The following PARP4 variants were observed in gnomAD, a reference collection of about 807,000 sequenced individuals.
The protein encoded by PARP4 is poly(ADP-ribose) polymerase family member 4, also known as protein mono-ADP-ribosyltransferase PARP4.
In PARP4, 120 loss-of-function variants were observed where a neutral mutation model predicts 187.7. The observed-to-expected ratio is 0.64, with a 90% CI of 0.55 to 0.74. PARP4 has a LOEUF of 0.74. Among genes scored for constraint, PARP4 ranks in the 30% least tolerant of loss-of-function variants. PARP4 has a pLI of 0.00. For missense variants in PARP4, 1,836 were observed against 2,070.5 expected (o/e 0.89, Z 2.20); for synonymous variants, 654 against 740.9 (o/e 0.88, Z 1.90).
At chr13:24,441,457 G>C (rs1423686736) in intron 30 of PARP4, among the ~76,000 whole-genome samples, 4 of 152,224 alleles carry the variant, frequency 2.6e-5, no homozygotes, top group African/African-American at 9.6e-5. Context: ...CTGGTTATAA[G>C]GGCCACGGTA....
chr13:24,426,705 C>T, intron 32 of PARP4, 107 bp from the exon 33 acceptor site: 1 of 966,192 alleles, frequency 1.0e-6, no homozygotes. Flanking sequence ...CTGGCTAACA[C>T]AATGAAACTC....
chr13:24,467,018 A>C (rs1872511850), intron 17 of PARP4, among the ~76,000 whole-genome samples: 1 of 152,226 alleles, frequency 6.6e-6, no homozygotes, highest in Non-Finnish European at 1.5e-5. Flanking sequence ...AGAAACTCAC[A>C]GATTGGATAA....
At chr13:24,458,443 G>A (rs1032578108) in intron 20 of PARP4, among the ~76,000 whole-genome samples, 4 of 151,354 alleles carry the variant, frequency 2.6e-5, no homozygotes, top group African/African-American at 9.7e-5. Context: ...CAGGTGTGCT[G>A]GCACAGGCCT....
At chr13:24,426,189 C>G (rs975688730) in intron 33 of PARP4, among the ~76,000 whole-genome samples, 2 of 152,140 alleles carry the variant, frequency 1.3e-5, no homozygotes, top group Admixed American at 6.5e-5. Flanking sequence ...CAGCAGACTG[C>G]AGTGAAGAGT....
chr13:24,448,966 T>C (rs1348685902), intron 25 of PARP4, among the ~76,000 whole-genome samples: 2 of 152,150 alleles, frequency 1.3e-5, no homozygotes, highest in Non-Finnish European at 2.9e-5. Context: ...GCGCTGGGTG[T>C]AGGAGGGAAT....
chr13:24,444,267 G>A (rs1200376698), intron 27 of PARP4, among the ~76,000 whole-genome samples: 1 of 152,266 alleles, frequency 6.6e-6, no homozygotes, highest in Non-Finnish European at 1.5e-5. Flanking sequence ...ACAACTTGCT[G>A]TGACTTTATG....
At position 24,424,838 on chromosome 13, in the gene PARP4, A is replaced by AT. The variant is rs377486554; in HGVS notation, c.4979+1627dup. On this transcript the variant is annotated intron_variant, in intron 33 of 33. Transcript: ENST00000381989. The stretch of plus-strand genomic sequence containing the variant: ...AGGCACCCGCCATCACACCTGGCGA[A>AT]TTTTTTTTTTTTTTTGTATTTTTTT... Among the ~76,000 whole-genome samples the AT allele has an allele frequency of 2.3e-3, 334 of 146,182 alleles. 1 individual carries two copies. The highest frequency in any genetic ancestry group is 5.1e-3 in the African/African-American group (205 of 40,130).
At chr13:24,444,864 C>T (rs529913131) in intron 27 of PARP4, among the ~76,000 whole-genome samples, 1 of 152,306 alleles carries the variant, frequency 6.6e-6, no homozygotes, top group South Asian at 2.1e-4. Context: ...ACCCCCTTAT[C>T]TGCCTTATCC....
intron 3 of PARP4, among the ~76,000 whole-genome samples, chr13:24,500,623 C>G (rs1869221454): frequency 6.6e-6 from 1 of 152,202 alleles, no homozygotes. Context: ...TTATTTGAAA[C>G]TCATTGATAG....
chr13:24,455,760 G>A (rs1350799010), intron 21 of PARP4, among the ~76,000 whole-genome samples: 1 of 150,440 alleles, frequency 6.6e-6, no homozygotes, highest in African/African-American at 2.4e-5. Context: ...TGAAACCACA[G>A]GTGTGCATGA....
At chr13:24,444,706 T>C (rs914752849) in intron 27 of PARP4, among the ~76,000 whole-genome samples, 3 of 152,178 alleles carry the variant, frequency 2.0e-5, no homozygotes, top group Admixed American at 2.0e-4. Context: ...AAAAGAGACT[T>C]CTTTGGCATA....
chr13:24,507,297 C>T (rs59531061), intron 1 of PARP4, among the ~76,000 whole-genome samples: 56,584 of 152,102 alleles, frequency 0.37, 10,851 homozygotes, highest in Middle Eastern at 0.44. Flanking sequence ...CGAGAGCCAG[C>T]GAGGGCTGCA....
chr13:24,453,254 C>CTTTCT (rs1555234348), intron 23 of PARP4, among the ~76,000 whole-genome samples: 26 of 145,466 alleles, frequency 1.8e-4, no homozygotes, highest in African/African-American at 5.5e-4. Context: ...TTCTTTCTTT[C>CTTTCT]TTTTTTTTTT....
intron 6 of PARP4, among the ~76,000 whole-genome samples, chr13:24,495,902 C>T (rs1245725996): frequency 6.6e-6 from 1 of 152,002 alleles, no homozygotes; most frequent in Non-Finnish European, 1.5e-5. Flanking sequence ...TTCAGCAGAA[C>T]GGTGGACTGA....
intron 14 of PARP4, 137 bp from the exon 15 acceptor site, chr13:24,475,733 A>G (rs182404564): frequency 3.4e-6 from 3 of 889,558 alleles, no homozygotes; most frequent in East Asian, 5.1e-5. Flanking sequence ...ATGATTTTCA[A>G]TAGCCAATTC....
chr13:24,459,290 A>G lies in PARP4; in HGVS notation c.2319T>C (p.Cys773=). The change falls in exon 19 of 34, where the codon TGT becomes TGC. Residue 773 remains cysteine, a synonymous_variant. Transcript: ENST00000381989. ...ENLQDTVEKI[C]IKEIGTKQSF... ...TTTGCTTTGTTCCTATTTCTTTTAT[A>G]CAAATCTTCTCTACTGTATCCTGTT... 1 of 1,575,070 alleles carries G rather than the reference A, an allele frequency of 6.3e-7. No individual in the cohort carries two copies. The highest frequency in any genetic ancestry group is 8.7e-7 in the Non-Finnish European group (1 of 1,154,566).
intron 27 of PARP4, among the ~76,000 whole-genome samples, chr13:24,446,110 A>G (rs1285065941): frequency 6.6e-6 from 1 of 152,250 alleles, no homozygotes; most frequent in African/African-American, 2.4e-5. Flanking sequence ...CAGTATTATT[A>G]TAACTAGTAT....
chr13:24,434,817 G>A lies in PARP4; in HGVS notation c.4324C>T (p.Pro1442Ser), dbSNP rs1183363351. Residue 1442 changes from proline (P) to serine (S), a missense_variant, in exon 31 of 34, where the codon CCT (proline) becomes TCT (serine). Around this residue, in one of 8 missense-constraint regions of PARP4, gnomAD observed 450 missense variants for 439.2 expected, o/e 1.02. Coordinates refer to ENST00000381989, the MANE Select transcript of PARP4 (RefSeq NM_006437.4). The stretch of plus-strand genomic sequence containing the variant: ...CCTCTGATGGGATCAGGGTCTGTAG[G>A]AAGAGAGAAATGAAGCTGGGGAGAA... Reference protein sequence around the residue: ...LDSPQLHFSLPTDPDPIRGFG... With the variant: ...LDSPQLHFSLSTDPDPIRGFG... 1 of 1,613,366 alleles carries A rather than the reference G, an allele frequency of 6.2e-7. No homozygotes were observed. The highest frequency in any genetic ancestry group is 1.1e-5 in the South Asian group (1 of 90,992).
chr13:24,441,745 TC>T lies in PARP4; in HGVS notation c.3666+100del, dbSNP rs568996504. Reference sequence around the variant, plus strand: ...TTCCATCATCAGGGATACAACTTCTTCATGTACAGGTAAGAAGGGAGCTATT... The same window carrying T: ...TTCCATCATCAGGGATACAACTTCTTATGTACAGGTAAGAAGGGAGCTATT... On this transcript the variant is annotated intron_variant, in intron 30 of 33. Transcript: ENST00000381989. 5.1e-3 allele frequency: 5,404 copies of T among 1,051,884 alleles called. 29 individuals carry two copies. The highest frequency in any genetic ancestry group is 5.5e-3 in the Non-Finnish European group (3,962 of 719,776). 65.2% of individuals were successfully genotyped at this position (1,051,884 alleles called of 1,614,324 possible).
Sources: gnomAD v4.1 joint callset for allele counts (sites outside exome capture counted in the v4.1 genomes callset) on GRCh38, gnomAD v4.1.1 for gene constraint, gnomAD v4.1.1 regional missense constraint, MANE v1.5 for transcripts, NCBI Gene and HGNC (gene_info 2026-07-23, HGNC 2026-07-21) for gene names.